AGBL4: variants seen among roughly 807,000 people sequenced by gnomAD.
AGBL4 encodes the protein cytosolic carboxypeptidase 6.
In AGBL4, 58 loss-of-function variants were observed where a neutral mutation model predicts 66.4. The observed-to-expected ratio is 0.87, with a 90% confidence interval of 0.71 to 1.09. The LOEUF is 1.09. Among genes scored for constraint, AGBL4 ranks in the 50% least tolerant of loss-of-function variants. The probability of loss-of-function intolerance (pLI) is 0.00; values close to 1 mark genes in which losing one functional copy is unlikely to be tolerated. For missense variants in AGBL4, 579 were observed against 631.0 expected (o/e 0.92, Z 0.88); for synonymous variants, 234 against 222.9 (o/e 1.05, Z -0.44).
intron 6 of AGBL4, among the ~76,000 whole-genome samples, chr1:48,806,295 G>A (rs1400151927): frequency 1.3e-5 from 2 of 152,166 alleles, no homozygotes; most frequent in African/African-American, 4.8e-5. Context: ...GCAAAAAGAT[G>A]TGACTTCTCA....
At chr1:49,605,782 C>A (rs1358148900) in intron 3 of AGBL4, among the ~76,000 whole-genome samples, 1 of 151,886 alleles carries the variant, frequency 6.6e-6, no homozygotes, top group Non-Finnish European at 1.5e-5. Flanking sequence ...AAAATAAGAA[C>A]CACCTAGACA....
At chr1:49,662,621 GC>G (rs1220263667) in intron 3 of AGBL4, among the ~76,000 whole-genome samples, 1 of 151,982 alleles carries the variant, frequency 6.6e-6, no homozygotes, top group African/African-American at 2.4e-5. Context: ...TTTGTTTTTG[GC>G]CTAGAAATCT....
intron 3 of AGBL4, among the ~76,000 whole-genome samples, chr1:49,616,333 C>G (rs1284302833): frequency 6.6e-6 from 1 of 152,144 alleles, no homozygotes; most frequent in Non-Finnish European, 1.5e-5. Flanking sequence ...GTAGATCACT[C>G]TGTTCTCCTT....
chr1:49,973,701 T>C lies in AGBL4; in HGVS notation c.34+50062A>G, dbSNP rs1658330037. Among the ~76,000 whole-genome samples, 4 of 148,696 alleles carry C rather than the reference T, an allele frequency of 2.7e-5. No homozygotes were observed. In the South Asian group the frequency reaches 6.3e-4, roughly 23 times the overall value. ...ATATTATATAGAAATGATATTGTTA[T>C]ATATCATATTATATATTGTATATCA... On this transcript the variant is annotated intron_variant, in intron 1 of 13. Coordinates refer to ENST00000371839, the MANE Select transcript of AGBL4 (RefSeq NM_032785.4).
chr1:49,261,040 A>G (rs1653106227), intron 3 of AGBL4, among the ~76,000 whole-genome samples: 1 of 152,168 alleles, frequency 6.6e-6, no homozygotes, highest in Non-Finnish European at 1.5e-5. Flanking sequence ...GCATATAAAC[A>G]AAACCAAAGA....
At chr1:49,987,922 AC>A (rs1659634496) in intron 1 of AGBL4, among the ~76,000 whole-genome samples, 1 of 151,822 alleles carries the variant, frequency 6.6e-6, no homozygotes, top group South Asian at 2.1e-4. Context: ...CTCTAACCAC[AC>A]AAAGTACTGA....
chr1:48,872,502 A>T (rs537391449), intron 5 of AGBL4, among the ~76,000 whole-genome samples: 2 of 152,282 alleles, frequency 1.3e-5, no homozygotes, highest in South Asian at 4.1e-4. Flanking sequence ...TGTCACAAGG[A>T]GCCAGTTTGA....
intron 4 of AGBL4, among the ~76,000 whole-genome samples, chr1:49,160,439 C>T (rs1214077921): frequency 6.6e-6 from 1 of 152,114 alleles, no homozygotes; most frequent in Non-Finnish European, 1.5e-5. Flanking sequence ...TCAAGGGGCA[C>T]CCACCAGATG....
At chr1:49,472,441 G>A (rs546724451) in intron 3 of AGBL4, among the ~76,000 whole-genome samples, 259 of 151,810 alleles carry the variant, frequency 1.7e-3, no homozygotes, top group African/African-American at 5.7e-3. Context: ...AAACAAGCTT[G>A]AAACAAAAAA....
intron 5 of AGBL4, among the ~76,000 whole-genome samples, chr1:48,870,125 C>T (rs1430492232): frequency 1.3e-5 from 2 of 152,036 alleles, no homozygotes; most frequent in South Asian, 2.1e-4. Flanking sequence ...CTTCTTTGAA[C>T]ACCACCTCCC....
chr1:49,538,481 A>G (rs1651771851), intron 3 of AGBL4, among the ~76,000 whole-genome samples: 1 of 152,246 alleles, frequency 6.6e-6, no homozygotes, highest in South Asian at 2.1e-4. Flanking sequence ...CTTTATCACT[A>G]TGCAATATAT....
At chr1:49,181,725 C>CTTAGT (rs1238337373) in intron 4 of AGBL4, among the ~76,000 whole-genome samples, 1 of 152,146 alleles carries the variant, frequency 6.6e-6, no homozygotes, top group African/African-American at 2.4e-5. Flanking sequence ...TAACAACCTG[C>CTTAGT]TTAGTTGTAG....
chr1:48,625,883 C>G (rs1209743732), intron 9 of AGBL4, among the ~76,000 whole-genome samples: 1 of 151,894 alleles, frequency 6.6e-6, no homozygotes, highest in Non-Finnish European at 1.5e-5. Context: ...TTAGAAAAAC[C>G]ATGTCTTTTA....
intron 9 of AGBL4, 117 bp from the exon 10 acceptor site, chr1:48,591,102 A>ACCCC (rs1644913139): frequency 1.8e-6 from 1 of 552,804 alleles, no homozygotes; most frequent in African/African-American, 4.4e-5. Flanking sequence ...CCCCCCCCAC[A>ACCCC]CACACACACA....
At chr1:48,902,448 G>A (rs1175929517) in intron 5 of AGBL4, among the ~76,000 whole-genome samples, 1 of 152,110 alleles carries the variant, frequency 6.6e-6, no homozygotes, top group Non-Finnish European at 1.5e-5. Context: ...GAAAAGCAGT[G>A]GAGATGCTGA....
chr1:50,023,287 T>C (rs1408670692), intron 1 of AGBL4, among the ~76,000 whole-genome samples: 1 of 152,224 alleles, frequency 6.6e-6, no homozygotes, highest in Non-Finnish European at 1.5e-5. Context: ...TCCATGGCAC[T>C]GTCTGATATT....
intron 1 of AGBL4, among the ~76,000 whole-genome samples, chr1:49,910,556 C>T (rs1383415745): frequency 6.6e-6 from 1 of 151,010 alleles, no homozygotes; most frequent in Admixed American, 6.6e-5. Context: ...GAAGGAGAGG[C>T]GTCAGGTGGT....
chr1:49,500,537 C>A (rs1017209529), intron 3 of AGBL4, among the ~76,000 whole-genome samples: 2 of 151,678 alleles, frequency 1.3e-5, no homozygotes, highest in African/African-American at 2.4e-5. Context: ...TTTTGACTCA[C>A]CTTGAGTTGG....
chr1:48,692,918 G>A (rs915712278), intron 6 of AGBL4, among the ~76,000 whole-genome samples: 2 of 152,208 alleles, frequency 1.3e-5, no homozygotes, highest in Non-Finnish European at 2.9e-5. Flanking sequence ...GCCAGGCACT[G>A]TTGTAGTTTC....
Sources: allele counts gnomAD v4.1 joint callset (sites outside exome capture counted in the v4.1 genomes callset), GRCh38; gene constraint gnomAD v4.1.1; transcripts MANE v1.5; gene names NCBI Gene and HGNC (gene_info 2026-07-23, HGNC 2026-07-21).